The following SBF2 variants were observed in gnomAD, a reference collection of about 807,000 sequenced individuals.
The protein encoded by SBF2 is SET binding factor 2, also known as myotubularin-related protein 13.
SBF2 carries 112 observed loss-of-function variants against 225.2 expected under a neutral mutation model. The ratio of observed to expected loss-of-function variants is 0.50; its 90% CI spans 0.43 to 0.58. The LOEUF (loss-of-function observed/expected upper bound fraction) is 0.58, where lower values mean the gene tolerates loss of function less well. Ranked by LOEUF, SBF2 falls within the 20% of genes least tolerant of loss-of-function variation. The pLI, the probability that SBF2 is intolerant of heterozygous loss-of-function variation, is 0.00. For synonymous variants in SBF2, 763 were observed against 773.3 expected, an observed-to-expected ratio of 0.99 and a Z score of 0.22; for missense variants, 1,996 against 2,206.2, an observed-to-expected ratio of 0.90 and a Z score of 1.91.
chr11:9,865,200 T>C (rs1858090781), intron 17 of SBF2, among the ~76,000 whole-genome samples: 1 of 152,218 alleles, frequency 6.6e-6, no homozygotes, highest in African/African-American at 2.4e-5. Flanking sequence ...ATTATGTTGT[T>C]AGATTTATTC....
chr11:9,934,206 A>G (rs1274674555), intron 16 of SBF2, among the ~76,000 whole-genome samples: 1 of 152,270 alleles, frequency 6.6e-6, no homozygotes, highest in Non-Finnish European at 1.5e-5. Flanking sequence ...TAGAAAATCT[A>G]GAAGAAATGG....
intron 2 of SBF2, among the ~76,000 whole-genome samples, chr11:10,083,959 G>A (rs902606190): frequency 1.3e-5 from 2 of 152,126 alleles, no homozygotes; most frequent in African/African-American, 2.4e-5. Flanking sequence ...AGGCAACACA[G>A]GGAGACCACA....
chr11:10,062,238 T>C (rs930862520), intron 2 of SBF2, among the ~76,000 whole-genome samples: 5 of 152,170 alleles, frequency 3.3e-5, no homozygotes, highest in African/African-American at 4.8e-5. Context: ...ATAAATACCC[T>C]GGAAGACAAC....
chr11:10,181,019 C>A (rs867887121), intron 2 of SBF2, among the ~76,000 whole-genome samples: 1 of 152,074 alleles, frequency 6.6e-6, no homozygotes, highest in Non-Finnish European at 1.5e-5. Context: ...TGCCAACTCT[C>A]TAAGCACCGA....
intron 2 of SBF2, among the ~76,000 whole-genome samples, chr11:10,097,237 A>T (rs1478140409): frequency 6.6e-6 from 1 of 152,252 alleles, no homozygotes; most frequent in East Asian, 1.9e-4. Flanking sequence ...AGCACTTGAC[A>T]ACAGAGAACA....
At chr11:10,125,312 T>C (rs1053347767) in intron 2 of SBF2, among the ~76,000 whole-genome samples, 1 of 152,154 alleles carries the variant, frequency 6.6e-6, no homozygotes, top group African/African-American at 2.4e-5. Context: ...CTTAGGATTT[T>C]TGCAACCATA....
At chr11:9,994,081 A>G (rs757364871) in intron 9 of SBF2, 83 bp from the exon 10 acceptor site, 6 of 989,122 alleles carry the variant, frequency 6.1e-6, no homozygotes, top group South Asian at 1.4e-5. Context: ...AAATGTCAGC[A>G]TATGAATTAT....
At position 10,257,618 on chromosome 11, in the gene SBF2, T is replaced by C. The variant is rs886645606; in HGVS notation, c.55+36397A>G. 1.1e-4 allele frequency among the ~76,000 whole-genome samples: 14 copies of C among 128,514 alleles called. No individual in the cohort carries two copies. The East Asian group carries it at 2.9e-3, about 27-fold the overall frequency. The allele number at this position is 128,514 out of a possible 152,430, so 84.3% of individuals were successfully genotyped here. On this transcript the variant is annotated intron_variant, in intron 1 of 39. Transcript: ENST00000256190. Reference sequence around the variant, plus strand: ...AAGTAGAGGCTGCAGTGAAATACGATAGCATCACTGCACTCCAGCCTGGGT... The same window carrying C: ...AAGTAGAGGCTGCAGTGAAATACGACAGCATCACTGCACTCCAGCCTGGGT...
chr11:10,249,027 C>T (rs1960075499), intron 1 of SBF2, among the ~76,000 whole-genome samples: 4 of 151,166 alleles, frequency 2.6e-5, no homozygotes, highest in South Asian at 4.2e-4. Flanking sequence ...ACCTGGCAGG[C>T]AGAGCTTGTA....
intron 13 of SBF2, among the ~76,000 whole-genome samples, chr11:9,969,021 G>A (rs1005004504): frequency 7.0e-6 from 1 of 143,320 alleles, no homozygotes; most frequent in Admixed American, 7.0e-5. Flanking sequence ...TTTTCACTTG[G>A]ATTTTTTAAA....
In SBF2 at chr11:9,810,057, G is replaced by A. The variant is rs185351607; in HGVS notation, c.4156-1055C>T. On this transcript the variant is annotated intron_variant, in intron 30 of 39. Transcript: ENST00000256190. ...TTTGGGAGGTTGAAGCAGGAGTAGT[G>A]CTTGAGCTCAGGAGTTTGAGACCAC... Among the ~76,000 whole-genome samples, 29 of 152,212 alleles carry A rather than the reference G, an allele frequency of 1.9e-4. No homozygotes were observed. In the East Asian group the frequency reaches 5.0e-3, roughly 26 times the overall value.
chr11:9,868,534 A>G (rs1205680916), intron 17 of SBF2, among the ~76,000 whole-genome samples: 2 of 151,854 alleles, frequency 1.3e-5, no homozygotes, highest in East Asian at 3.9e-4. Flanking sequence ...AAATAAATAA[A>G]TAAAAATAAA....
chr11:9,998,268 A>G lies in SBF2; in HGVS notation c.973T>C (p.Leu325=), dbSNP rs1468839278. The part of the protein sequence containing the change: ...LLHQTQSALS[L]ILHPDLEVAD... ...ACTATTACAAAAATATGTCATACCA[A>G]AGAAAGAGCTGATTGAGTCTGATGT... Residue 325 remains leucine (L), a splice_region_variant and synonymous_variant, in exon 9 of 40, where the codon TTG becomes CTG. Coordinates refer to ENST00000256190, the MANE Select transcript of SBF2 (RefSeq NM_030962.4). 1.3e-6 allele frequency: 2 copies of G among 1,550,280 alleles called. No homozygotes were observed. Among genetic ancestry groups the G allele is most frequent in the Admixed American group, 1.7e-5 (1 of 59,860 alleles).
At chr11:9,934,214 T>C (rs1194761982) in intron 16 of SBF2, among the ~76,000 whole-genome samples, 5 of 152,018 alleles carry the variant, frequency 3.3e-5, no homozygotes, top group African/African-American at 7.2e-5. Flanking sequence ...CTAGAAGAAA[T>C]GGATAAATTC....
chr11:10,081,872 T>A, intron 2 of SBF2, among the ~76,000 whole-genome samples: 1 of 141,128 alleles, frequency 7.1e-6, no homozygotes, highest in African/African-American at 2.6e-5. Context: ...ACAAAAGAAA[T>A]AACAAAGATT....
chr11:9,908,023 C>T (rs1049927930), intron 16 of SBF2, among the ~76,000 whole-genome samples: 2 of 152,180 alleles, frequency 1.3e-5, no homozygotes, highest in African/African-American at 4.8e-5. Flanking sequence ...CGTTCTCTTG[C>T]CTCTCAAGTA....
chr11:9,784,784 A>G (rs973700746), intron 37 of SBF2: 8 of 495,988 alleles, frequency 1.6e-5, no homozygotes, highest in Non-Finnish European at 2.6e-5. Context: ...TATGTGAGTA[A>G]ATTCCTTTTT....
At position 10,248,833 on chromosome 11, in the gene SBF2, C is replaced by T. The variant is rs1233051174; in HGVS notation, c.55+45182G>A. 3.9e-5 allele frequency among the ~76,000 whole-genome samples: 6 copies of T among 152,212 alleles called. No homozygotes were observed. In the South Asian group the frequency reaches 8.3e-4, roughly 21 times the overall value. ...ATTCTAGGCCGGGCGCGGAGGCTTA[C>T]GCCTGTAATCCTAGGGCTTTGGGAG... On this transcript the variant is annotated intron_variant, in intron 1 of 39. Coordinates refer to ENST00000256190, the MANE Select transcript of SBF2 (RefSeq NM_030962.4).
intron 17 of SBF2, among the ~76,000 whole-genome samples, chr11:9,887,748 T>C (rs1313680083): frequency 1.3e-5 from 2 of 152,084 alleles, no homozygotes; most frequent in African/African-American, 4.8e-5. Flanking sequence ...AAGATTAATA[T>C]TTGGTTTACA....
Sources: allele counts gnomAD v4.1 joint callset (sites outside exome capture counted in the v4.1 genomes callset), GRCh38; gene constraint gnomAD v4.1.1; transcripts MANE v1.5; gene names NCBI Gene and HGNC (gene_info 2026-07-23, HGNC 2026-07-21).